GPC6: variants seen among roughly 807,000 people sequenced by gnomAD.
GPC6 encodes glypican 6, also known as glypican-6.
Under a neutral mutation model 55.2 loss-of-function variants are expected in GPC6, and 14 were observed. The observed-to-expected ratio is 0.25, with a 90% confidence interval of 0.17 to 0.40. GPC6 has a LOEUF of 0.40. Ranked by LOEUF, GPC6 falls within the 10% of genes least tolerant of loss-of-function variation. The probability of loss-of-function intolerance (pLI) is 1.00; values close to 1 mark genes in which losing one functional copy is unlikely to be tolerated. For missense variants in GPC6, 641 were observed against 708.5 expected, an observed-to-expected ratio of 0.90 and a Z score of 1.08; for synonymous variants, 278 against 259.6, an observed-to-expected ratio of 1.07 and a Z score of -0.68.
intron 3 of GPC6, among the ~76,000 whole-genome samples, chr13:93,970,601 C>T (rs1880241243): frequency 6.6e-6 from 1 of 152,162 alleles, no homozygotes; most frequent in Non-Finnish European, 1.5e-5. Context: ...AGTAAGGAGA[C>T]ATCCAATGAT....
intron 1 of GPC6, among the ~76,000 whole-genome samples, chr13:93,376,372 A>T (rs1358372187): frequency 6.6e-6 from 1 of 152,202 alleles, no homozygotes; most frequent in Non-Finnish European, 1.5e-5. Context: ...ATCGAAAATT[A>T]ATTTTAAAAA....
At chr13:94,119,946 T>G (rs1474492172) in intron 4 of GPC6, among the ~76,000 whole-genome samples, 1 of 151,998 alleles carries the variant, frequency 6.6e-6, no homozygotes, top group Non-Finnish European at 1.5e-5. Context: ...ATATAGTATT[T>G]CTTACATATA....
intron 3 of GPC6, among the ~76,000 whole-genome samples, chr13:93,886,749 A>ATTTTTTTTTTTTTTTT (rs34726181): frequency 7.4e-6 from 1 of 135,340 alleles, no homozygotes; most frequent in African/African-American, 2.7e-5. Flanking sequence ...AGCATCTGTC[A>ATTTTTTTTTTTTTTTT]TTTTTTTTTT....
chr13:94,100,140 A>C (rs1885803809), intron 4 of GPC6, among the ~76,000 whole-genome samples: 1 of 152,236 alleles, frequency 6.6e-6, no homozygotes, highest in Non-Finnish European at 1.5e-5. Flanking sequence ...ATTCGTTGAT[A>C]TAATGTTCCA....
At chr13:93,285,313 T>C (rs1046528359) in intron 1 of GPC6, among the ~76,000 whole-genome samples, 7 of 152,154 alleles carry the variant, frequency 4.6e-5, no homozygotes, top group Non-Finnish European at 1.0e-4. Context: ...TGTCTTTCAG[T>C]TATATAAAGA....
chr13:94,160,853 C>T (rs948805608), intron 4 of GPC6, among the ~76,000 whole-genome samples: 1 of 152,100 alleles, frequency 6.6e-6, no homozygotes, highest in African/African-American at 2.4e-5. Flanking sequence ...GTTTTATTTT[C>T]ACAAATAATT....
intron 3 of GPC6, among the ~76,000 whole-genome samples, chr13:94,024,290 AT>A (rs1268202155): frequency 6.6e-6 from 1 of 152,120 alleles, no homozygotes; most frequent in African/African-American, 2.4e-5. Flanking sequence ...GGAGTTTATT[AT>A]TTTTTAAACT....
intron 1 of GPC6, among the ~76,000 whole-genome samples, chr13:93,375,280 G>A (rs1464489777): frequency 6.6e-6 from 1 of 152,182 alleles, no homozygotes; most frequent in African/African-American, 2.4e-5. Flanking sequence ...GCCTTTGTGT[G>A]CGGTAATGTA....
At chr13:93,593,075 A>G (rs1304208069) in intron 2 of GPC6, among the ~76,000 whole-genome samples, 1 of 152,124 alleles carries the variant, frequency 6.6e-6, no homozygotes, top group Non-Finnish European at 1.5e-5. Context: ...ATAATCTTTG[A>G]GACATGGATA....
At chr13:94,085,472 G>A (rs1392374683) in intron 4 of GPC6, among the ~76,000 whole-genome samples, 2 of 152,182 alleles carry the variant, frequency 1.3e-5, no homozygotes, top group Non-Finnish European at 2.9e-5. Flanking sequence ...AGTTTTTGCT[G>A]AGTAAGACAA....
intron 4 of GPC6, among the ~76,000 whole-genome samples, chr13:94,275,325 T>C (rs1365327058): frequency 6.6e-6 from 1 of 152,162 alleles, no homozygotes; most frequent in Non-Finnish European, 1.5e-5. Flanking sequence ...GTAGGGTTGT[T>C]AGAGAAAGCT....
At chr13:94,301,169 T>A (rs575645940) in intron 5 of GPC6, among the ~76,000 whole-genome samples, 51 of 152,324 alleles carry the variant, frequency 3.3e-4, no homozygotes, top group Non-Finnish European at 5.7e-4. Flanking sequence ...TTAACTTTAA[T>A]AGGTGGAATC....
chr13:94,318,858 C>T (rs1309943574), intron 6 of GPC6, among the ~76,000 whole-genome samples: 1 of 152,140 alleles, frequency 6.6e-6, no homozygotes. Context: ...CTACTAACTG[C>T]TGCCTTAAAG....
At chr13:93,274,078 GC>G (rs1877645145) in intron 1 of GPC6, among the ~76,000 whole-genome samples, 2 of 152,092 alleles carry the variant, frequency 1.3e-5, no homozygotes, top group African/African-American at 4.8e-5. Flanking sequence ...ACAGGCGTGA[GC>G]CCCTGCACCT....
At chr13:93,758,402 A>C (rs983338333) in intron 2 of GPC6, among the ~76,000 whole-genome samples, 1 of 152,140 alleles carries the variant, frequency 6.6e-6, no homozygotes, top group Non-Finnish European at 1.5e-5. Flanking sequence ...ATTCAACTTC[A>C]GATTTGAGTA....
chr13:93,742,925 T>C (rs1050449245), intron 2 of GPC6, among the ~76,000 whole-genome samples: 3 of 150,782 alleles, frequency 2.0e-5, no homozygotes, highest in Admixed American at 6.6e-5. Context: ...TGTTTCACTA[T>C]GGAAAAATGA....
intron 4 of GPC6, among the ~76,000 whole-genome samples, chr13:94,165,191 G>GCA (rs1329107180): frequency 6.8e-6 from 1 of 147,104 alleles, no homozygotes; most frequent in East Asian, 2.2e-4. Flanking sequence ...TGTGATATAT[G>GCA]TATGTGTGTG....
intron 3 of GPC6, among the ~76,000 whole-genome samples, chr13:93,888,691 A>G (rs762015077): frequency 2.0e-5 from 3 of 152,172 alleles, no homozygotes; most frequent in African/African-American, 4.8e-5. Flanking sequence ...AGGAACATGA[A>G]AACTACACAA....
At chr13:93,853,763 C>A (rs1445450957) in intron 3 of GPC6, among the ~76,000 whole-genome samples, 1 of 151,574 alleles carries the variant, frequency 6.6e-6, no homozygotes, top group Non-Finnish European at 1.5e-5. Flanking sequence ...AATTTCTTTA[C>A]TGATGCTCCA....
Sources: gnomAD v4.1 joint callset for allele counts (sites outside exome capture counted in the v4.1 genomes callset) on GRCh38, gnomAD v4.1.1 for gene constraint, MANE v1.5 for transcripts, NCBI Gene and HGNC (gene_info 2026-07-23, HGNC 2026-07-21) for gene names.